The following RIMS2 variants were observed in gnomAD, a reference collection of about 807,000 sequenced individuals.
RIMS2 encodes the protein regulating synaptic membrane exocytosis protein 2.
RIMS2 carries 59 observed loss-of-function variants against 174.4 expected under a neutral mutation model. That is an observed-to-expected ratio of 0.34 (90% CI 0.27 to 0.42). The LOEUF is 0.42. RIMS2 is among the 10% of genes least tolerant of loss of function. The pLI, the probability that RIMS2 is intolerant of heterozygous loss-of-function variation, is 1.00. For synonymous variants in RIMS2, 606 were observed against 572.5 expected (o/e 1.06, Z -0.84); for missense variants, 1,620 against 1,666.3 (o/e 0.97, Z 0.48).
intron 1 of RIMS2, among the ~76,000 whole-genome samples, chr8:103,675,137 C>T (rs2096792300): frequency 6.6e-6 from 1 of 152,114 alleles, no homozygotes; most frequent in Non-Finnish European, 1.5e-5. Flanking sequence ...GTCTCGAACT[C>T]CTGACCTCAA....
intron 2 of RIMS2, among the ~76,000 whole-genome samples, chr8:103,759,094 A>G (rs1476022609): frequency 2.0e-5 from 3 of 152,204 alleles, no homozygotes; most frequent in African/African-American, 7.2e-5. Flanking sequence ...GGTATGTTCC[A>G]GTCTCTTCTT....
At chr8:104,188,668 C>T (rs2098982212) in intron 19 of RIMS2, among the ~76,000 whole-genome samples, 1 of 151,600 alleles carries the variant, frequency 6.6e-6, no homozygotes, top group African/African-American at 2.4e-5. Context: ...AATATGTAAG[C>T]TTAAAAATAG....
chr8:103,500,768 GC>G (rs1411920934), exon 1 of RIMS2: 1 of 575,808 alleles, frequency 1.7e-6, no homozygotes, highest in Non-Finnish European at 3.0e-6. Context: ...TGGATTGAAG[GC>G]CATTGATTTG....
At chr8:103,793,094 C>G (rs1248648689) in intron 3 of RIMS2, among the ~76,000 whole-genome samples, 1 of 152,176 alleles carries the variant, frequency 6.6e-6, no homozygotes, top group Non-Finnish European at 1.5e-5. Flanking sequence ...AAGCCAGCAT[C>G]ATTCTGATAC....
At chr8:104,189,613 T>C (rs1056575791) in intron 19 of RIMS2, among the ~76,000 whole-genome samples, 11 of 148,108 alleles carry the variant, frequency 7.4e-5, no homozygotes, top group Non-Finnish European at 3.0e-5. Flanking sequence ...TGTAAATATA[T>C]ATATATTTCA....
At chr8:103,672,130 T>A (rs947895721) in intron 1 of RIMS2, among the ~76,000 whole-genome samples, 1 of 152,028 alleles carries the variant, frequency 6.6e-6, no homozygotes, top group African/African-American at 2.4e-5. Flanking sequence ...AAAATCTGTT[T>A]TCAGTTTTCC....
At position 104,014,597 on chromosome 8, in the gene RIMS2, A is replaced by G. The variant is rs1421244148; in HGVS notation, c.3316A>G (p.Lys1106Glu). Residue 1106 changes from lysine to glutamate, a missense_variant, in exon 19 of 24, where the codon AAG becomes GAG. Around this residue, in one of 2 missense-constraint regions of RIMS2, gnomAD observed 225 missense variants for 306.2 expected, o/e 0.73. Coordinates refer to ENST00000504942, the Ensembl canonical transcript of RIMS2. ...CCGACAGCTTCCACAGCTTCCACCA[A>G]AGGGAACGTTGGATAGAAGTAAGTT... 1.9e-6 allele frequency: 3 copies of G among 1,609,910 alleles called. No individual in the cohort carries two copies. In the African/African-American group the frequency reaches 4.0e-5, roughly 22 times the overall value.
At chr8:104,120,486 T>C (rs1599354637) in intron 19 of RIMS2, among the ~76,000 whole-genome samples, 2 of 152,302 alleles carry the variant, frequency 1.3e-5, no homozygotes, top group Admixed American at 6.5e-5. Flanking sequence ...TGTATGTTAG[T>C]AATTTCGGTA....
In RIMS2 at chr8:103,545,673, A is replaced by T. The variant is rs77710893; in HGVS notation, c.176+44611A>T. On this transcript the variant is annotated intron_variant, in intron 1 of 23. Transcript: ENST00000504942. ...GGGAACTCCATCAGGCTAACAGTGA[A>T]TTTTTCAGCAGAAACTCTACAAGCT... Among the ~76,000 whole-genome samples, 596 of 152,318 alleles carry T rather than the reference A, an allele frequency of 3.9e-3. 33 individuals carry two copies. In the East Asian group the frequency reaches 0.11, roughly 27 times the overall value.
intron 6 of RIMS2, 83 bp from the exon 10 acceptor site, chr8:103,915,412 G>A: frequency 1.4e-6 from 1 of 697,880 alleles, no homozygotes; most frequent in Non-Finnish European, 2.4e-6. Flanking sequence ...GTTGCAAATT[G>A]TTCTAGGTAT....
chr8:103,702,853 T>G (rs987289429), intron 2 of RIMS2, among the ~76,000 whole-genome samples: 1 of 20,216 alleles, frequency 4.9e-5, no homozygotes, highest in South Asian at 1.2e-3. Context: ...CCTCCAGCTG[T>G]TTTTTTTTTT....
intron 20 of RIMS2, among the ~76,000 whole-genome samples, chr8:104,247,396 A>G (rs950261969): frequency 6.6e-6 from 1 of 152,090 alleles, no homozygotes; most frequent in Admixed American, 6.5e-5. Flanking sequence ...CTCTGTGCTT[A>G]TCTACTCCTG....
intron 16 of RIMS2, 148 bp downstream of exon 18, chr8:103,975,654 A>G: frequency 3.6e-6 from 2 of 548,070 alleles, no homozygotes; most frequent in Admixed American, 3.4e-5. Flanking sequence ...GTCCCACCAT[A>G]GAATTTCTGC....
intron 19 of RIMS2, among the ~76,000 whole-genome samples, chr8:104,044,535 A>G (rs2096661608): frequency 6.6e-6 from 1 of 151,554 alleles, no homozygotes; most frequent in Non-Finnish European, 1.5e-5. Context: ...TTACAAAAAA[A>G]AAAATGGTAT....
chr8:103,609,301 T>C (rs900543999), intron 1 of RIMS2, among the ~76,000 whole-genome samples: 2 of 152,232 alleles, frequency 1.3e-5, no homozygotes, highest in African/African-American at 4.8e-5. Context: ...TCCCATTCTG[T>C]AGGTTGTCTG....
At chr8:103,624,547 T>C in intron 1 of RIMS2, among the ~76,000 whole-genome samples, 1 of 152,236 alleles carries the variant, frequency 6.6e-6, no homozygotes, top group East Asian at 1.9e-4. Context: ...AGGTTTATTA[T>C]AAGAATTTCT....
chr8:103,981,418 A>G (rs901578401), intron 16 of RIMS2, among the ~76,000 whole-genome samples: 6 of 152,190 alleles, frequency 3.9e-5, no homozygotes, highest in African/African-American at 1.4e-4. Context: ...AAACCTTCCC[A>G]AGAAGGATGG....
intron 3 of RIMS2, among the ~76,000 whole-genome samples, chr8:103,812,331 G>GTTTTTTTTTGTTT (rs2098692468): frequency 9.0e-6 from 1 of 111,612 alleles, no homozygotes; most frequent in African/African-American, 3.3e-5. Context: ...TTATTACCTT[G>GTTTTTTTTTGTTT]TTTTTTTTTT....
At position 104,145,617 on chromosome 8, in the gene RIMS2, G is replaced by C. The variant is rs561048068; in HGVS notation, c.3335-99299G>C. On this transcript the variant is annotated intron_variant, in intron 19 of 23. Transcript: ENST00000504942. ...AAGGCGGGAGCATCACCTGAGGTCA[G>C]GAGTTCAAGACCAGCCTGACCAACA... Among the ~76,000 whole-genome samples the C allele has an allele frequency of 2.8e-4, 43 of 151,136 alleles. No homozygotes were observed. The South Asian group carries it at 5.6e-3, about 20-fold the overall frequency.
Sources: gnomAD v4.1 joint callset for allele counts (sites outside exome capture counted in the v4.1 genomes callset) on GRCh38, gnomAD v4.1.1 for gene constraint, gnomAD v4.1.1 regional missense constraint, MANE v1.5 for transcripts, NCBI Gene and HGNC (gene_info 2026-07-23, HGNC 2026-07-21) for gene names.